Variants in CRACDL observed in about 807,000 individuals in gnomAD.
CRACDL encodes the protein CRACD-like protein.
In CRACDL, 26 loss-of-function variants were observed where a neutral mutation model predicts 70.6. That is an observed-to-expected ratio of 0.37 (90% CI 0.27 to 0.51). The LOEUF is 0.51. Among genes scored for constraint, CRACDL ranks in the 20% least tolerant of loss-of-function variants. CRACDL has a pLI of 0.94. For missense variants in CRACDL, 1,283 were observed against 1,376.9 expected (o/e 0.93, Z 1.08); for synonymous variants, 618 against 615.2 (o/e 1.00, Z -0.07).
rs1391850391 is a variant in CRACDL at position 98,823,306 on chromosome 2, C to T, written c.967G>A (p.Glu323Lys). Reference sequence around the variant, plus strand: ...TCCTCCCCGGGGACGCCCCCCTCCTCCACGCTGGCCGTGAGCGCGGAGGAG... The same window carrying T: ...TCCTCCCCGGGGACGCCCCCCTCCTTCACGCTGGCCGTGAGCGCGGAGGAG... ...QHSSALTASV[E>K]EGGVPGEDPS... Residue 323 changes from glutamate to lysine, a missense_variant, in exon 7 of 10, where the codon GAG becomes AAG. Around this residue, in one of 2 missense-constraint regions of CRACDL, gnomAD observed 362 missense variants for 495.0 expected, o/e 0.73. Coordinates refer to ENST00000397899, the MANE Select transcript of CRACDL (RefSeq NM_207362.3). This position sits in a 1 kb window ranked among gnomAD's most constrained non-coding sequence, Gnocchi z 4.0. 2.8e-6 allele frequency: 4 copies of T among 1,438,168 alleles called. No homozygotes were observed. The highest frequency in any genetic ancestry group is 3.6e-6 in the Non-Finnish European group (4 of 1,107,454). 89.1% of individuals were successfully genotyped at this position (1,438,168 alleles called of 1,614,324 possible).
At chr2:98,908,001 G>A (rs1236097839) in intron 1 of CRACDL, among the ~76,000 whole-genome samples, 4 of 152,188 alleles carry the variant, frequency 2.6e-5, no homozygotes, top group East Asian at 1.9e-4. Flanking sequence ...GGAGTAAAAC[G>A]TGTACCTTCA....
chr2:98,901,728 G>C (rs1708287005), intron 1 of CRACDL, among the ~76,000 whole-genome samples: 1 of 152,170 alleles, frequency 6.6e-6, no homozygotes, highest in Non-Finnish European at 1.5e-5. Flanking sequence ...CTGGAATCTG[G>C]GGTCAGAATG....
rs572513200 is a variant in CRACDL, at chr2:98,917,623, T to C, written c.-11+18315A>G. 1.1e-4 allele frequency among the ~76,000 whole-genome samples: 16 copies of C among 152,370 alleles called. No homozygotes were observed. In the East Asian group the frequency reaches 3.1e-3, roughly 29 times the overall value. Reference sequence around the variant, plus strand: ...TTTCTCACACTTACTGACATTTATTTCTCCTTTTACGAGCAAATTCCTTTT... The same window carrying C: ...TTTCTCACACTTACTGACATTTATTCCTCCTTTTACGAGCAAATTCCTTTT... On this transcript the variant is annotated intron_variant, in intron 1 of 9. Transcript: ENST00000397899.
At chr2:98,884,044 G>A (rs986663337) in intron 1 of CRACDL, among the ~76,000 whole-genome samples, 1 of 152,186 alleles carries the variant, frequency 6.6e-6, no homozygotes, top group Non-Finnish European at 1.5e-5. Context: ...GCGTGTGTTG[G>A]GGGGATGGGG....
At chr2:98,890,472 A>G (rs936963478) in intron 1 of CRACDL, among the ~76,000 whole-genome samples, 1 of 152,258 alleles carries the variant, frequency 6.6e-6, no homozygotes, top group Non-Finnish European at 1.5e-5. Flanking sequence ...TGAATGGACC[A>G]AAACAACCGA....
intron 2 of CRACDL, among the ~76,000 whole-genome samples, chr2:98,841,033 T>C (rs190560655): frequency 9.2e-5 from 14 of 152,216 alleles, no homozygotes; most frequent in Admixed American, 6.5e-4. Flanking sequence ...TTCCAAAATC[T>C]GAAAAAATCT....
intron 2 of CRACDL, among the ~76,000 whole-genome samples, chr2:98,845,895 C>A (rs558050037): frequency 6.6e-6 from 1 of 152,186 alleles, no homozygotes; most frequent in South Asian, 2.1e-4. Flanking sequence ...AAGAAAAAAT[C>A]TATCTTTAAT....
At chr2:98,915,121 G>A (rs769775081) in intron 1 of CRACDL, among the ~76,000 whole-genome samples, 16 of 152,200 alleles carry the variant, frequency 1.1e-4, no homozygotes, top group Non-Finnish European at 2.1e-4. Flanking sequence ...GAGGAAGGTC[G>A]ACCAGGACAG....
At chr2:98,883,757 C>T (rs1006596214) in intron 1 of CRACDL, among the ~76,000 whole-genome samples, 4 of 152,218 alleles carry the variant, frequency 2.6e-5, no homozygotes, top group Non-Finnish European at 4.4e-5. Flanking sequence ...GCTTAACAGC[C>T]TGGGCCTAGT....
intron 7 of CRACDL, among the ~76,000 whole-genome samples, chr2:98,811,245 C>T (rs1704543645): frequency 6.6e-6 from 1 of 151,748 alleles, no homozygotes; most frequent in South Asian, 2.1e-4. Context: ...GGCATGGTGG[C>T]TCATGCCTGC....
chr2:98,872,578 T>C (rs1230977591), intron 1 of CRACDL, among the ~76,000 whole-genome samples: 1 of 152,158 alleles, frequency 6.6e-6, no homozygotes, highest in East Asian at 1.9e-4. Flanking sequence ...AAACCTGCAC[T>C]TGTACCCCCA....
Position 98,838,100 on chromosome 2 carries a change from G to A in CRACDL, c.239+19C>T. 6.3e-7 allele frequency: 1 copy of A among 1,586,996 alleles called. No individual in the cohort carries two copies. The highest frequency in any genetic ancestry group is 1.8e-5 in the Admixed American group (1 of 54,290). ...GTATTTAGGTGCTCCTGGCCCGAGG[G>A]ATGTAAAATGCAACTTACTCCAGCT... On this transcript the variant is annotated intron_variant, in intron 3 of 9. Coordinates refer to ENST00000397899, the MANE Select transcript of CRACDL (RefSeq NM_207362.3).
chr2:98,832,300 C>T (rs935928094), intron 5 of CRACDL, 48 bp downstream of exon 5: 4 of 1,607,116 alleles, frequency 2.5e-6, no homozygotes, highest in South Asian at 1.1e-5. Context: ...CCAGCACCCT[C>T]CAGGGCAGGT....
At chr2:98,874,258 GTGA>G (rs760849208) in intron 1 of CRACDL, among the ~76,000 whole-genome samples, 12 of 152,190 alleles carry the variant, frequency 7.9e-5, no homozygotes, top group Non-Finnish European at 1.6e-4. Context: ...ATACCCCAAA[GTGA>G]TGCTATATAG....
rs1320122359 is a variant in CRACDL at position 98,905,986 on chromosome 2, A to AT, written c.-11+29951dup. On this transcript the variant is annotated intron_variant, in intron 1 of 9. Transcript: ENST00000397899. ...GAAATTCTAGAATCTGTAGGCTGAT[A>AT]TTTTTTCATCAAATTTGGAGAAATT... 4.6e-5 allele frequency among the ~76,000 whole-genome samples: 7 copies of AT among 151,950 alleles called. No homozygotes were observed. In the East Asian group the frequency reaches 1.2e-3, roughly 25 times the overall value.
intron 1 of CRACDL, among the ~76,000 whole-genome samples, chr2:98,887,565 C>T (rs143732645): frequency 4.0e-4 from 61 of 152,058 alleles, no homozygotes; most frequent in East Asian, 1.4e-3. Context: ...GCCACAGAAA[C>T]GGAGGAAAGA....
At chr2:98,839,265 T>C (rs1705920676) in intron 2 of CRACDL, among the ~76,000 whole-genome samples, 1 of 152,256 alleles carries the variant, frequency 6.6e-6, no homozygotes, top group African/African-American at 2.4e-5. Flanking sequence ...AGTTCCTACA[T>C]CATTACAGGT....
chr2:98,855,562 A>G (rs920211403), intron 1 of CRACDL, among the ~76,000 whole-genome samples: 5 of 152,198 alleles, frequency 3.3e-5, no homozygotes, highest in Non-Finnish European at 7.3e-5. Flanking sequence ...GGAAGCAGTA[A>G]TTTCAGAATG....
chr2:98,878,617 C>T (rs888989579), intron 1 of CRACDL, among the ~76,000 whole-genome samples: 4 of 152,304 alleles, frequency 2.6e-5, no homozygotes, highest in Non-Finnish European at 5.9e-5. Flanking sequence ...AAAATTGGCA[C>T]AAACTCAGTT....
Sources: allele counts gnomAD v4.1 joint callset (sites outside exome capture counted in the v4.1 genomes callset), GRCh38; gene constraint gnomAD v4.1.1; regional missense constraint gnomAD v4.1.1; non-coding constraint Gnocchi (gnomAD v3.1); transcripts MANE v1.5; gene names NCBI Gene and HGNC (gene_info 2026-07-23, HGNC 2026-07-21).